The following AGBL4 variants were observed in gnomAD, a reference collection of about 807,000 sequenced individuals.
AGBL4 encodes the protein AGBL carboxypeptidase 4.
Under a neutral mutation model 66.4 loss-of-function variants are expected in AGBL4, and 58 were observed. The ratio of observed to expected loss-of-function variants is 0.87; its 90% confidence interval spans 0.71 to 1.09. AGBL4 has a LOEUF of 1.09. Among genes scored for constraint, AGBL4 ranks in the 50% least tolerant of loss-of-function variants. AGBL4 has a pLI of 0.00. For synonymous variants in AGBL4, 234 were observed against 222.9 expected (o/e 1.05, Z -0.44); for missense variants, 579 against 631.0 (o/e 0.92, Z 0.88).
chr1:49,645,761 T>C (rs1178170530), intron 3 of AGBL4, among the ~76,000 whole-genome samples: 2 of 129,136 alleles, frequency 1.5e-5, no homozygotes, highest in Admixed American at 7.9e-5. Context: ...CTCAGGAACA[T>C]AGATGCAAAA....
intron 1 of AGBL4, among the ~76,000 whole-genome samples, chr1:49,969,982 A>G (rs1006531121): frequency 3.3e-5 from 5 of 152,232 alleles, no homozygotes; most frequent in African/African-American, 1.2e-4. Context: ...AAGCGTACCA[A>G]GAATACATGA....
intron 9 of AGBL4, among the ~76,000 whole-genome samples, chr1:48,602,065 C>T (rs562541426): frequency 4.8e-4 from 73 of 152,168 alleles, no homozygotes; most frequent in Non-Finnish European, 8.7e-4. Flanking sequence ...AACTAGGGCA[C>T]CCTCAGGCAC....
chr1:48,587,502 C>T (rs1275506415), intron 10 of AGBL4, among the ~76,000 whole-genome samples: 1 of 151,620 alleles, frequency 6.6e-6, no homozygotes, highest in African/African-American at 2.4e-5. Flanking sequence ...GTGGTGTGCA[C>T]CTGTAGTCCC....
In AGBL4 at chr1:48,825,842, C is replaced by T. The variant is rs189727298; in HGVS notation, c.634+41349G>A. Among the ~76,000 whole-genome samples the T allele has an allele frequency of 3.1e-3, 476 of 152,298 alleles. 3 individuals carry two copies. Among genetic ancestry groups the T allele is most frequent in the African/African-American group, 0.01 (424 of 41,564 alleles). ...TCAGTGCCCTGTTAATGACATTGCA[C>T]TGTCTTCTATGGGCAATGGGGAGAC... On this transcript the variant is annotated intron_variant, in intron 6 of 13. Coordinates refer to ENST00000371839, the MANE Select transcript of AGBL4 (RefSeq NM_032785.4).
At chr1:49,928,008 G>A (rs1652963415) in intron 1 of AGBL4, among the ~76,000 whole-genome samples, 1 of 151,914 alleles carries the variant, frequency 6.6e-6, no homozygotes, top group African/African-American at 2.4e-5. Context: ...TAGACATATG[G>A]GAATGTACAA....
At chr1:49,135,436 GAC>G (rs370062363) in intron 4 of AGBL4, among the ~76,000 whole-genome samples, 441 of 152,176 alleles carry the variant, frequency 2.9e-3, no homozygotes, top group Non-Finnish European at 4.8e-3. Flanking sequence ...AGGAATTAAA[GAC>G]ACACACACAG....
intron 4 of AGBL4, among the ~76,000 whole-genome samples, chr1:49,118,713 A>C (rs1189227496): frequency 1.3e-5 from 2 of 152,220 alleles, no homozygotes; most frequent in Admixed American, 6.5e-5. Context: ...TGGTCTCATA[A>C]AATGAGTTAG....
intron 3 of AGBL4, among the ~76,000 whole-genome samples, chr1:49,549,670 A>G (rs967448270): frequency 5.3e-5 from 8 of 152,206 alleles, no homozygotes; most frequent in East Asian, 1.9e-4. Context: ...CAATTTTCTT[A>G]ATTTTATTAA....
At chr1:48,941,047 A>G (rs983579198) in intron 5 of AGBL4, among the ~76,000 whole-genome samples, 8 of 152,202 alleles carry the variant, frequency 5.3e-5, no homozygotes, top group African/African-American at 1.9e-4. Flanking sequence ...ATCTGATGTA[A>G]GTTATTGCAG....
chr1:48,783,912 T>C (rs1036484443), intron 6 of AGBL4, among the ~76,000 whole-genome samples: 2 of 152,184 alleles, frequency 1.3e-5, no homozygotes, highest in African/African-American at 4.8e-5. Context: ...AGGAAAAATA[T>C]ATAGGGATCC....
intron 6 of AGBL4, among the ~76,000 whole-genome samples, chr1:48,756,230 A>T (rs924417900): frequency 2.0e-5 from 3 of 152,242 alleles, no homozygotes; most frequent in African/African-American, 7.2e-5. Context: ...TGTTTGGGTA[A>T]CAAAAATTCA....
At chr1:49,037,633 G>C (rs1664768866) in intron 5 of AGBL4, among the ~76,000 whole-genome samples, 1 of 152,066 alleles carries the variant, frequency 6.6e-6, no homozygotes, top group Admixed American at 6.6e-5. Flanking sequence ...ACACATGTTT[G>C]ATACTCAAGT....
chr1:49,030,155 A>G (rs573652654), intron 5 of AGBL4, among the ~76,000 whole-genome samples: 1 of 152,260 alleles, frequency 6.6e-6, no homozygotes, highest in Non-Finnish European at 1.5e-5. Flanking sequence ...CAAAATTTGT[A>G]TGCTGAAATC....
intron 9 of AGBL4, among the ~76,000 whole-genome samples, chr1:48,625,053 C>A (rs1645478587): frequency 6.6e-6 from 1 of 151,858 alleles, no homozygotes; most frequent in South Asian, 2.1e-4. Flanking sequence ...GACTTAAAGG[C>A]CTGCACCACC....
At chr1:49,223,421 T>G (rs1649654194) in intron 4 of AGBL4, among the ~76,000 whole-genome samples, 1 of 152,232 alleles carries the variant, frequency 6.6e-6, no homozygotes, top group African/African-American at 2.4e-5. Context: ...GAAGGTTTTC[T>G]GTCAAGTGTA....
chr1:49,836,632 A>G (rs1645857022), intron 2 of AGBL4, among the ~76,000 whole-genome samples: 1 of 152,176 alleles, frequency 6.6e-6, no homozygotes, highest in South Asian at 2.1e-4. Context: ...GCGAGGAGTT[A>G]TGATCCTTTG....
At chr1:48,698,046 G>C (rs1385153) in intron 6 of AGBL4, among the ~76,000 whole-genome samples, 7,284 of 152,262 alleles carry the variant, frequency 0.048, 578 homozygotes, top group African/African-American at 0.16. Context: ...GCCATGGCTG[G>C]ACTGAGCCTG....
intron 3 of AGBL4, among the ~76,000 whole-genome samples, chr1:49,451,151 G>T (rs1646270133): frequency 6.6e-6 from 1 of 151,834 alleles, no homozygotes; most frequent in African/African-American, 2.4e-5. Flanking sequence ...GACTCTCTTA[G>T]AGGTCACCCA....
At chr1:48,825,268 G>A (rs1002843408) in intron 6 of AGBL4, among the ~76,000 whole-genome samples, 2 of 152,100 alleles carry the variant, frequency 1.3e-5, no homozygotes, top group South Asian at 2.1e-4. Flanking sequence ...TTCTCACTGG[G>A]TCTGTGACTT....
Sources: allele counts gnomAD v4.1 joint callset (sites outside exome capture counted in the v4.1 genomes callset), GRCh38; gene constraint gnomAD v4.1.1; transcripts MANE v1.5; gene names NCBI Gene and HGNC (gene_info 2026-07-23, HGNC 2026-07-21).